The following COL6A3 variants were observed in gnomAD, a reference collection of about 807,000 sequenced individuals.
The protein encoded by COL6A3 is collagen type VI alpha 3 chain.
COL6A3 carries 137 observed loss-of-function variants against 274.1 expected under a neutral mutation model. The observed-to-expected ratio is 0.50, with a 90% CI of 0.44 to 0.58. The LOEUF (loss-of-function observed/expected upper bound fraction) is 0.58. Among genes scored for constraint, COL6A3 ranks in the 20% least tolerant of loss-of-function variants. The probability of loss-of-function intolerance (pLI) is 0.00; values close to 1 mark genes in which losing one functional copy is unlikely to be tolerated. For synonymous variants in COL6A3, 1,650 were observed against 1,650.6 expected (o/e 1.00, Z 0.01); for missense variants, 3,950 against 4,124.9 (o/e 0.96, Z 1.16).
In COL6A3 at chr2:237,361,071, A is replaced by G; in HGVS notation, c.6210+50T>C. The G allele has an allele frequency of 1.4e-6, 2 of 1,430,414 alleles. No individual in the cohort carries two copies. Among genetic ancestry groups the G allele is most frequent in the Middle Eastern group, 3.5e-4 (2 of 5,734 alleles). The allele number at this position is 1,430,414 out of a possible 1,614,324, so 88.6% of individuals were successfully genotyped here. ...ATCCACAATGCAATCCCAATGGGTA[A>G]GGATCAAGGAGGGGGTGAAATTTTA... On this transcript the variant is annotated intron_variant, in intron 16 of 43. Coordinates refer to ENST00000295550, the MANE Select transcript of COL6A3 (RefSeq NM_004369.4). This position sits in a 1 kb window ranked among gnomAD's most constrained non-coding sequence, Gnocchi z 5.1.
At chr2:237,337,477 G>C (rs1559195970) in intron 39 of COL6A3, among the ~76,000 whole-genome samples, 1 of 152,324 alleles carries the variant, frequency 6.6e-6, no homozygotes, top group East Asian at 1.9e-4. Context: ...TCAAAAGAAA[G>C]AGCTGAAGGA....
intron 6 of COL6A3, 36 bp from the exon 7 acceptor site, chr2:237,377,380 G>A (rs578039520): frequency 2.5e-5 from 39 of 1,591,720 alleles, no homozygotes; most frequent in African/African-American, 1.5e-4. Flanking sequence ...AATGAGGGAC[G>A]AGAGCATAAC....
chr2:237,380,867 C>T (rs907236721), intron 5 of COL6A3, 48 bp downstream of exon 5: 1 of 1,567,058 alleles, frequency 6.4e-7, no homozygotes, highest in African/African-American at 1.4e-5. Context: ...CTTAAAGGCC[C>T]TGCCTGGAGA....
chr2:237,383,590 C>A (rs2078067163), intron 4 of COL6A3, among the ~76,000 whole-genome samples: 2 of 151,796 alleles, frequency 1.3e-5, no homozygotes, highest in African/African-American at 2.4e-5. Flanking sequence ...ATATGCTATA[C>A]CATGAATCTA....
At chr2:237,397,485 G>A (rs2078480338) in intron 1 of COL6A3, among the ~76,000 whole-genome samples, 1 of 150,474 alleles carries the variant, frequency 6.6e-6, no homozygotes, top group Admixed American at 6.6e-5. Context: ...GGGAGGGAGA[G>A]AGGGAAGGAG....
At chr2:237,409,498 C>A (rs985726768) in intron 1 of COL6A3, among the ~76,000 whole-genome samples, 1 of 151,924 alleles carries the variant, frequency 6.6e-6, no homozygotes, top group Non-Finnish European at 1.5e-5. Context: ...AACATGAGAA[C>A]ACAAAGACCA....
intron 38 of COL6A3, among the ~76,000 whole-genome samples, chr2:237,340,042 G>C (rs13006593): frequency 1.3e-5 from 2 of 152,188 alleles, no homozygotes; most frequent in African/African-American, 4.8e-5. Flanking sequence ...GCTAAGCCCC[G>C]ATCAAAGCAA....
intron 43 of COL6A3, 28 bp downstream of exon 43, chr2:237,325,532 G>T: frequency 4.3e-6 from 7 of 1,613,080 alleles, no homozygotes; most frequent in Non-Finnish European, 5.9e-6. Flanking sequence ...ATTTGCAGAA[G>T]CCATAAACAC....
At chr2:237,373,185 C>T (rs79058172) in intron 8 of COL6A3, among the ~76,000 whole-genome samples, 1,802 of 152,194 alleles carry the variant, frequency 0.012, 65 homozygotes, top group Admixed American at 0.059. Context: ...AGAGCCACAG[C>T]GTTGTGGAAA....
intron 26 of COL6A3, among the ~76,000 whole-genome samples, chr2:237,352,239 C>T (rs1353972187): frequency 6.6e-6 from 1 of 152,152 alleles, no homozygotes; most frequent in African/African-American, 2.4e-5. Context: ...TTCCAGGATT[C>T]CATCCTGAGG....
intron 24 of COL6A3, 79 bp from the exon 25 acceptor site, chr2:237,353,482 G>A: frequency 7.6e-7 from 1 of 1,311,976 alleles, no homozygotes; most frequent in Non-Finnish European, 1.1e-6. Flanking sequence ...AGTCATTTCT[G>A]GGCCAGGGAC....
At position 237,367,081 on chromosome 2, in the gene COL6A3, A is replaced by G; in HGVS notation, c.5106T>C (p.Ile1702=). The G allele has an allele frequency of 6.2e-7, 1 of 1,614,192 alleles. No individual in the cohort carries two copies. Among genetic ancestry groups the G allele is most frequent in the South Asian group, 1.1e-5 (1 of 91,076 alleles). The change falls in exon 11 of 44, where the codon ATT becomes ATC. Residue 1702 remains isoleucine, a synonymous_variant. Coordinates refer to ENST00000295550, the MANE Select transcript of COL6A3 (RefSeq NM_004369.4). Reference sequence around the variant, plus strand: ...AGACCACTTTGTTGATGGCGTCAATAATCTGCCTCTTGGTAGAGAAGTCCT... The same window carrying G: ...AGACCACTTTGTTGATGGCGTCAATGATCTGCCTCTTGGTAGAGAAGTCCT... ...FLKDFSTKRQ[I]IDAINKVVYK... is the part of the protein sequence containing the mutation.
At position 237,364,938 on chromosome 2, in the gene COL6A3, C is replaced by T. The variant is rs2077518921; in HGVS notation, c.5839-510G>A. Among the ~76,000 whole-genome samples the T allele has an allele frequency of 6.6e-6, 1 of 150,818 alleles. No homozygotes were observed. The highest frequency in any genetic ancestry group is 1.5e-5 in the Non-Finnish European group (1 of 67,690). On this transcript the variant is annotated intron_variant, in intron 12 of 43. Transcript: ENST00000295550. This position sits in a 1 kb window ranked among gnomAD's most constrained non-coding sequence, Gnocchi z 4.6. ...GTCTGTGGGTGTGTGTGCGTGTGTG[C>T]ATGTGTGCATGTGTTATGGGCTAAA...
intron 42 of COL6A3, among the ~76,000 whole-genome samples, chr2:237,332,044 TC>T (rs1327538127): frequency 2.6e-5 from 3 of 116,570 alleles, no homozygotes; most frequent in South Asian, 3.0e-4. Context: ...CACAACTCTC[TC>T]CCCCCATCTC....
At chr2:237,377,390 C>T in intron 6 of COL6A3, 46 bp from the exon 7 acceptor site, 1 of 1,584,078 alleles carries the variant, frequency 6.3e-7, no homozygotes, top group East Asian at 2.2e-5. Context: ...GAGAGCATAA[C>T]AGGAACCAAA....
rs727502836 is a variant in COL6A3, at chr2:237,350,155, C to T, written c.6871G>A (p.Gly2291Arg). The T allele has an allele frequency of 6.2e-7, 1 of 1,614,082 alleles. No homozygotes were observed. Among genetic ancestry groups the T allele is most frequent in the Non-Finnish European group, 8.5e-7 (1 of 1,179,982 alleles). Residue 2291 changes from glycine to arginine, a missense_variant, in exon 28 of 44, where the codon GGG (glycine) becomes AGG (arginine). By Grantham distance (125) the Gly-to-Arg change is moderately radical. Transcript: ENST00000295550. ...GCGCGCTGTGACCTTACCGTCTCCC[C>T]ACGAGGGCCCCGGTTCCCGATTCCT... is the stretch of plus-strand genomic sequence containing the variant. ...KGGIGNRGPR[G>R]ETGDDGRDGV...
chr2:237,350,022 T>G, intron 28 of COL6A3, 125 bp downstream of exon 28: 1 of 940,718 alleles, frequency 1.1e-6, no homozygotes, highest in East Asian at 2.4e-5. Flanking sequence ...GTTTCAGTAT[T>G]TCCAGCCGTA....
At chr2:237,386,083 C>T (rs917907835) in intron 4 of COL6A3, among the ~76,000 whole-genome samples, 1 of 152,214 alleles carries the variant, frequency 6.6e-6, no homozygotes, top group Non-Finnish European at 1.5e-5. Context: ...GATGCCATAG[C>T]CTGAGCTTTC....
Position 237,360,068 on chromosome 2 carries a change from C to T in COL6A3, c.6282+20G>A, listed in dbSNP as rs372707734. 55 of 1,613,642 alleles carry T rather than the reference C, an allele frequency of 3.4e-5. No individual in the cohort carries two copies. The highest frequency in any genetic ancestry group is 4.3e-5 in the Non-Finnish European group (51 of 1,179,738). On this transcript the variant is annotated intron_variant, in intron 17 of 43. Coordinates refer to ENST00000295550, the MANE Select transcript of COL6A3 (RefSeq NM_004369.4). The stretch of plus-strand genomic sequence containing the variant: ...ACCTGACCCCTCCCCACGCTAGCAA[C>T]CCCATCACCCACGCCTCACCTTTAC...
Sources: gnomAD v4.1 joint callset for allele counts (sites outside exome capture counted in the v4.1 genomes callset) on GRCh38, gnomAD v4.1.1 for gene constraint, Gnocchi (gnomAD v3.1) non-coding constraint, MANE v1.5 for transcripts, NCBI Gene and HGNC (gene_info 2026-07-23, HGNC 2026-07-21) for gene names.